The following CYB5R4 variants were observed in gnomAD, a reference collection of about 807,000 sequenced individuals.
The protein encoded by CYB5R4 is cytochrome b5 reductase 4.
Under a neutral mutation model 70.2 loss-of-function variants are expected in CYB5R4, and 55 were observed. That is an observed-to-expected ratio of 0.78 (90% CI 0.63 to 0.98). The LOEUF (loss-of-function observed/expected upper bound fraction) is 0.98. CYB5R4 is among the 50% of genes least tolerant of loss of function. CYB5R4 has a pLI of 0.00. For synonymous variants in CYB5R4, 197 were observed against 199.5 expected (o/e 0.99, Z 0.11); for missense variants, 562 against 612.6 (o/e 0.92, Z 0.87).
At chr6:83,918,193 C>G in intron 6 of CYB5R4, 128 bp downstream of exon 6, 1 of 566,972 alleles carries the variant, frequency 1.8e-6, no homozygotes, top group Admixed American at 3.0e-5. Flanking sequence ...GACACAAGAA[C>G]TGTAATGCCT....
chr6:83,938,350 AT>A (rs2099469235), intron 12 of CYB5R4, among the ~76,000 whole-genome samples: 1 of 152,208 alleles, frequency 6.6e-6, no homozygotes, highest in African/African-American at 2.4e-5. Context: ...AAAGAACAAG[AT>A]GAAGTATTAT....
At chr6:83,917,265 C>G (rs914518393) in intron 5 of CYB5R4, among the ~76,000 whole-genome samples, 1 of 152,102 alleles carries the variant, frequency 6.6e-6, no homozygotes, top group Non-Finnish European at 1.5e-5. Flanking sequence ...GCAGCTGGAA[C>G]TTTCAAACAC....
chr6:83,907,417 TC>T (rs748229874), intron 3 of CYB5R4, among the ~76,000 whole-genome samples: 1 of 152,144 alleles, frequency 6.6e-6, no homozygotes, highest in Non-Finnish European at 1.5e-5. Context: ...AATATCTGAG[TC>T]TGAATAATCA....
At chr6:83,868,684 C>G (rs1237987036) in intron 2 of CYB5R4, among the ~76,000 whole-genome samples, 2 of 152,192 alleles carry the variant, frequency 1.3e-5, no homozygotes, top group East Asian at 3.8e-4. Flanking sequence ...GTTTCTCCCT[C>G]TCTTTCTCAA....
chr6:83,878,908 T>C (rs1266402955), intron 2 of CYB5R4, among the ~76,000 whole-genome samples: 4 of 152,100 alleles, frequency 2.6e-5, no homozygotes, highest in African/African-American at 4.8e-5. Flanking sequence ...AGGGTTTTTT[T>C]CCCCCATTGT....
intron 3 of CYB5R4, among the ~76,000 whole-genome samples, chr6:83,897,231 G>C (rs1471624495): frequency 1.3e-5 from 2 of 152,114 alleles, no homozygotes; most frequent in Non-Finnish European, 2.9e-5. Context: ...CCCTACAAAG[G>C]ACATGAGCTC....
chr6:83,892,489 A>G (rs2099461255), intron 2 of CYB5R4, among the ~76,000 whole-genome samples: 1 of 152,204 alleles, frequency 6.6e-6, no homozygotes, highest in Admixed American at 6.6e-5. Context: ...TTTGTCTGGT[A>G]TCTATCTAGT....
intron 4 of CYB5R4, among the ~76,000 whole-genome samples, chr6:83,912,572 G>T (rs1341447999): frequency 6.6e-6 from 1 of 152,172 alleles, no homozygotes; most frequent in Non-Finnish European, 1.5e-5. Flanking sequence ...CGGAAATAAA[G>T]ATTCTCATCA....
At chr6:83,909,424 A>AT (rs1308351189) in intron 4 of CYB5R4, among the ~76,000 whole-genome samples, 2 of 152,036 alleles carry the variant, frequency 1.3e-5, no homozygotes, top group African/African-American at 4.8e-5. Context: ...ATACAGTGAA[A>AT]TTTTCCCTCC....
At chr6:83,937,826 G>A (rs1473216611) in intron 12 of CYB5R4, among the ~76,000 whole-genome samples, 3 of 152,176 alleles carry the variant, frequency 2.0e-5, no homozygotes, top group Non-Finnish European at 4.4e-5. Context: ...GCCAGTAAAG[G>A]TACTTTGAAG....
rs1379391519 is a variant in CYB5R4, at chr6:83,963,116, AT to A, written c.*3239del. 6.6e-6 allele frequency: 1 copy of A among 152,182 alleles called. No individual in the cohort carries two copies. The highest frequency in any genetic ancestry group is 2.4e-5 in the African/African-American group (1 of 41,456). 9.4% of individuals were successfully genotyped at this position (152,182 alleles called of 1,614,324 possible). On this transcript the variant is annotated 3_prime_UTR_variant, in exon 16 of 16. Coordinates refer to ENST00000369681, the MANE Select transcript of CYB5R4 (RefSeq NM_016230.4). ...ATAGCTGTAAAGTCCCTTTTCCTAT[AT>A]AATATATTCAAAGGTTGCAGGCATT...
chr6:83,938,835 A>AT lies in CYB5R4; in HGVS notation c.1109-1208dup, dbSNP rs34925112. Among the ~76,000 whole-genome samples the AT allele has an allele frequency of 5.3e-3, 761 of 144,782 alleles. 3 individuals are homozygous for AT. The highest frequency in any genetic ancestry group is 7.7e-3 in the Non-Finnish European group (502 of 65,594). The allele number at this position is 144,782 out of a possible 152,430, so 95.0% of individuals were successfully genotyped here. ...ATAATGAGGAGCTTCTATTATTATT[A>AT]TTTTTTTTTTTTTGAGATGGAGTTT... On this transcript the variant is annotated intron_variant, in intron 12 of 15. Transcript: ENST00000369681.
intron 2 of CYB5R4, among the ~76,000 whole-genome samples, chr6:83,865,972 C>G: frequency 1.3e-5 from 2 of 152,202 alleles, no homozygotes; most frequent in East Asian, 3.8e-4. Flanking sequence ...TTGCCACCCT[C>G]TTTATCCTTC....
intron 12 of CYB5R4, among the ~76,000 whole-genome samples, chr6:83,938,485 A>G (rs1010474049): frequency 7.9e-5 from 12 of 152,244 alleles, no homozygotes; most frequent in African/African-American, 2.2e-4. Flanking sequence ...TTCACTAAGC[A>G]ACATGATTTT....
chr6:83,946,490 A>T (rs965988790), intron 14 of CYB5R4, among the ~76,000 whole-genome samples: 1 of 152,248 alleles, frequency 6.6e-6, no homozygotes, highest in South Asian at 2.1e-4. Context: ...AGCTGGAAGC[A>T]TTCCCTTTGA....
intron 3 of CYB5R4, among the ~76,000 whole-genome samples, chr6:83,897,890 C>A (rs531906711): frequency 1.0e-3 from 158 of 152,144 alleles, no homozygotes; most frequent in African/African-American, 3.7e-3. Context: ...GAAGCTCTTT[C>A]GTTTAATTAG....
intron 14 of CYB5R4, among the ~76,000 whole-genome samples, chr6:83,944,865 A>G (rs1006397636): frequency 6.6e-6 from 1 of 152,224 alleles, no homozygotes; most frequent in African/African-American, 2.4e-5. Context: ...AAAGGGATTA[A>G]CAAGAAGAGC....
chr6:83,870,650 A>G (rs932014159), intron 2 of CYB5R4, among the ~76,000 whole-genome samples: 1 of 152,030 alleles, frequency 6.6e-6, no homozygotes, highest in African/African-American at 2.4e-5. Flanking sequence ...TATTACAGTT[A>G]GTTCAACCAT....
chr6:83,951,932 CTCTCCAGCATCTG>C (rs2099471600), intron 14 of CYB5R4, among the ~76,000 whole-genome samples: 1 of 152,292 alleles, frequency 6.6e-6, no homozygotes, highest in Admixed American at 6.5e-5. Context: ...TCTCCACGTC[CTCTCCAGCATCTG>C]TTACATTTTG....
Sources: allele counts gnomAD v4.1 joint callset (sites outside exome capture counted in the v4.1 genomes callset), GRCh38; gene constraint gnomAD v4.1.1; transcripts MANE v1.5; gene names NCBI Gene and HGNC (gene_info 2026-07-23, HGNC 2026-07-21).